The following VWA3B variants were observed in gnomAD, a reference collection of about 807,000 sequenced individuals.
The protein encoded by VWA3B is von Willebrand factor A domain-containing protein 3B.
VWA3B carries 138 observed loss-of-function variants against 158.3 expected under a neutral mutation model. The observed-to-expected ratio is 0.87, with a 90% CI of 0.76 to 1.00. The LOEUF (loss-of-function observed/expected upper bound fraction) is 1.00. Ranked by LOEUF, VWA3B falls within the 50% of genes least tolerant of loss-of-function variation. VWA3B has a pLI of 0.00. For missense variants in VWA3B, 1,555 were observed against 1,565.1 expected, an observed-to-expected ratio of 0.99 and a Z score of 0.11; for synonymous variants, 596 against 587.3, an observed-to-expected ratio of 1.01 and a Z score of -0.21.
At chr2:98,216,990 C>CCCCCCG (rs760409837) in intron 13 of VWA3B, 1 of 1,208,952 alleles carries the variant, frequency 8.3e-7, no homozygotes, top group African/African-American at 1.5e-5. Flanking sequence ...GCACCCGCCC[C>CCCCCCG]GCACCCAGTC....
the VWA3B span, among the ~76,000 whole-genome samples, chr2:98,327,501 C>G: frequency 6.6e-6 from 1 of 152,118 alleles, no homozygotes; most frequent in Non-Finnish European, 1.5e-5. Flanking sequence ...TAAATTCATA[C>G]AAGAAATAAA....
intron 6 of VWA3B, among the ~76,000 whole-genome samples, chr2:98,132,049 A>G (rs1238692835): frequency 6.6e-6 from 1 of 152,116 alleles, no homozygotes; most frequent in Non-Finnish European, 1.5e-5. Context: ...GTTGAAAGAG[A>G]AGAGGCAACT....
intron 13 of VWA3B, among the ~76,000 whole-genome samples, chr2:98,214,713 T>C (rs1683828535): frequency 6.6e-6 from 1 of 152,238 alleles, no homozygotes; most frequent in Non-Finnish European, 1.5e-5. Context: ...GTCCTCATTC[T>C]CTTCTAGGTT....
At chr2:98,290,646 G>C (rs749134960) in intron 23 of VWA3B, 24 bp downstream of exon 23, 6 of 1,465,468 alleles carry the variant, frequency 4.1e-6, no homozygotes, top group Non-Finnish European at 5.6e-6. Context: ...TTTTAATTTC[G>C]TGAGGCTTTT....
chr2:98,307,335 C>T (rs983225143), intron 26 of VWA3B, among the ~76,000 whole-genome samples: 10 of 152,242 alleles, frequency 6.6e-5, no homozygotes, highest in South Asian at 2.1e-4. Context: ...TTGGCTGGAA[C>T]GGGACCTCAC....
rs186464458 is a variant in VWA3B at position 98,229,970 on chromosome 2, T to C, written c.2151-80T>C. Reference sequence around the variant, plus strand: ...GTTTGCAGTGTTCAACATGAATGTATTGACTTAACTCTGCCTTCTTGATGG... The same window carrying C: ...GTTTGCAGTGTTCAACATGAATGTACTGACTTAACTCTGCCTTCTTGATGG... On this transcript the variant is annotated intron_variant, in intron 15 of 27. Transcript: ENST00000477737. The C allele has an allele frequency of 2.1e-3, 3,019 of 1,443,742 alleles. 6 individuals carry two copies. The highest frequency in any genetic ancestry group is 2.6e-3 in the Non-Finnish European group (2,763 of 1,081,788). The allele number at this position is 1,443,742 out of a possible 1,614,324, so 89.4% of individuals were successfully genotyped here.
At chr2:98,100,115 T>G (rs999483971) in intron 2 of VWA3B, among the ~76,000 whole-genome samples, 2 of 152,212 alleles carry the variant, frequency 1.3e-5, no homozygotes, top group African/African-American at 4.8e-5. Flanking sequence ...TGATGTCATG[T>G]TTCCTGGATC....
intron 19 of VWA3B, among the ~76,000 whole-genome samples, chr2:98,247,633 T>C (rs766064813): frequency 6.6e-6 from 1 of 152,190 alleles, no homozygotes; most frequent in Non-Finnish European, 1.5e-5. Flanking sequence ...TATTTTCACA[T>C]ATCTATTATC....
intron 7 of VWA3B, among the ~76,000 whole-genome samples, chr2:98,134,377 A>C (rs1207378748): frequency 6.6e-6 from 1 of 152,186 alleles, no homozygotes; most frequent in Non-Finnish European, 1.5e-5. Context: ...GTGAGGGCGG[A>C]GGCCGCACAG....
At chr2:98,250,013 C>T (rs917547704) in intron 19 of VWA3B, among the ~76,000 whole-genome samples, 54 of 152,016 alleles carry the variant, frequency 3.6e-4, no homozygotes, top group African/African-American at 8.2e-4. Context: ...GAAGATAATT[C>T]GCAATTCTAA....
chr2:98,108,832 T>C (rs1439178297), intron 2 of VWA3B, among the ~76,000 whole-genome samples: 2 of 152,084 alleles, frequency 1.3e-5, no homozygotes, highest in East Asian at 3.8e-4. Flanking sequence ...TATTAGACCA[T>C]TTACAATTAA....
the VWA3B span, among the ~76,000 whole-genome samples, chr2:98,320,472 G>A: frequency 6.6e-6 from 1 of 152,154 alleles, no homozygotes; most frequent in Non-Finnish European, 1.5e-5. Flanking sequence ...ACAGTTTGGA[G>A]GACTCAGAAA....
chr2:98,225,405 C>T (rs926967770), intron 14 of VWA3B, among the ~76,000 whole-genome samples: 7 of 152,202 alleles, frequency 4.6e-5, no homozygotes, highest in Non-Finnish European at 7.4e-5. Flanking sequence ...AATTCCACAC[C>T]ATTCATAATA....
intron 5 of VWA3B, among the ~76,000 whole-genome samples, chr2:98,121,718 G>A (rs1674982196): frequency 6.6e-6 from 1 of 152,138 alleles, no homozygotes; most frequent in Non-Finnish European, 1.5e-5. Context: ...TTTAGCCAGT[G>A]TCGGGAGAGC....
intron 22 of VWA3B, among the ~76,000 whole-genome samples, chr2:98,281,712 AT>A (rs999412246): frequency 2.8e-4 from 42 of 152,226 alleles, no homozygotes; most frequent in African/African-American, 1.0e-3. Flanking sequence ...GGGTCACACC[AT>A]TTGGGGCCCT....
chr2:98,133,753 C>A, intron 6 of VWA3B, 71 bp from the exon 7 acceptor site: 1 of 1,348,086 alleles, frequency 7.4e-7, no homozygotes, highest in Non-Finnish European at 1.1e-6. Context: ...ACGTTCAGTC[C>A]CAGGAGAAGG....
chr2:98,207,347 C>T (rs114661063), intron 12 of VWA3B: 12,929 of 487,122 alleles, frequency 0.027, 228 homozygotes, highest in Middle Eastern at 0.055. Context: ...CCTCTGGACT[C>T]CATCTCTCAC....
At chr2:98,138,574 C>T (rs933718311) in intron 7 of VWA3B, among the ~76,000 whole-genome samples, 7 of 152,154 alleles carry the variant, frequency 4.6e-5, no homozygotes, top group African/African-American at 1.4e-4. Flanking sequence ...GGGGCGGGGG[C>T]GCGGATCTCA....
At chr2:98,133,963 G>A (rs1676064175) in intron 7 of VWA3B, 24 bp downstream of exon 7, 1 of 1,601,920 alleles carries the variant, frequency 6.2e-7, no homozygotes, top group East Asian at 2.2e-5. Flanking sequence ...AAAAGAAGTG[G>A]TGTAGCTTAT....
Sources: allele counts gnomAD v4.1 joint callset (sites outside exome capture counted in the v4.1 genomes callset), GRCh38; gene constraint gnomAD v4.1.1; transcripts MANE v1.5; gene names NCBI Gene and HGNC (gene_info 2026-07-23, HGNC 2026-07-21).